The following G6PC1 variants were observed in gnomAD, a reference collection of about 807,000 sequenced individuals.
G6PC1 encodes G-6-Pase.
A neutral mutation model predicts 30.4 loss-of-function variants in G6PC1; 23 were observed. The ratio of observed to expected loss-of-function variants is 0.76; its 90% CI spans 0.55 to 1.07. The LOEUF (loss-of-function observed/expected upper bound fraction) is 1.07, where lower values mean the gene tolerates loss of function less well. G6PC1 is among the 50% of genes least tolerant of loss of function. The pLI, the probability that G6PC1 is intolerant of heterozygous loss-of-function variation, is 0.00. For missense variants in G6PC1, 391 were observed against 433.9 expected, an observed-to-expected ratio of 0.90 and a Z score of 0.88; for synonymous variants, 163 against 175.6, an observed-to-expected ratio of 0.93 and a Z score of 0.57.
At position 42,912,800 on chromosome 17, in the gene G6PC1, C is replaced by CA. The variant is rs2056104509; in HGVS notation, c.*1374_*1375insA. 1 of 151,112 alleles carries CA rather than the reference C, an allele frequency of 6.6e-6. No individual in the cohort carries two copies. 9.4% of individuals were successfully genotyped at this position (151,112 alleles called of 1,614,324 possible). A position where few individuals can be genotyped will look rare whatever the true frequency, so the allele number is the denominator to read the frequency against. ...AGCCAACTCCTCCTTGCCTGCTTTT[C>CA]TTTTTTTTTCTTTTTTTGAGACGGC... On this transcript the variant is annotated 3_prime_UTR_variant, in exon 5 of 5. Transcript: ENST00000253801.
At chr17:42,908,511 A>G (rs1301750664) in intron 3 of G6PC1, among the ~76,000 whole-genome samples, 3 of 149,800 alleles carry the variant, frequency 2.0e-5, no homozygotes, top group African/African-American at 7.4e-5. Context: ...GGTTCAAGCT[A>G]TTCTTCTGCC....
intron 3 of G6PC1, among the ~76,000 whole-genome samples, chr17:42,908,517 C>T (rs1442383180): frequency 6.6e-6 from 1 of 150,818 alleles, no homozygotes; most frequent in Non-Finnish European, 1.5e-5. Context: ...AGCTATTCTT[C>T]TGCCTCAGCC....
Position 42,900,935 on chromosome 17 carries a change from A to C in G6PC1, c.59A>C (p.Gln20Pro). The change falls in exon 1 of 5, where the codon CAG becomes CCG. Residue 20 changes from glutamine to proline, a missense_variant. By Grantham distance (76) the Gln-to-Pro change is moderately conservative. Transcript: ENST00000253801. Reference sequence around the variant, plus strand: ...GGGATCCAGTCAACACATTACCTCCAGGTGAATTACCAAGACTCCCAGGAC... The same window carrying C: ...GGGATCCAGTCAACACATTACCTCCCGGTGAATTACCAAGACTCCCAGGAC... The part of the protein sequence containing the change: ...DFGIQSTHYL[Q>P]VNYQDSQDWF... 6.2e-7 allele frequency: 1 copy of C among 1,614,166 alleles called. No individual in the cohort carries two copies. The highest frequency in any genetic ancestry group is 1.3e-5 in the African/African-American group (1 of 75,034).
rs907720455 is a variant in G6PC1 at position 42,913,928 on chromosome 17, G to T, written c.*2502G>T. ...CCTCCAAAGGCCTCAAATCATCACC[G>T]TATCAATGGATTTCCTGAGGGTAAG... On this transcript the variant is annotated 3_prime_UTR_variant, in exon 5 of 5. Transcript: ENST00000253801. 6.6e-6 allele frequency among the ~76,000 whole-genome samples: 1 copy of T among 152,026 alleles called. No homozygotes were observed. The highest frequency in any genetic ancestry group is 1.5e-5 in the Non-Finnish European group (1 of 67,994).
Position 42,903,962 on chromosome 17 carries a change from GT to G in G6PC1, c.266del (p.Leu89TrpfsTer13). The G allele has an allele frequency of 1.2e-6, 2 of 1,613,922 alleles. No homozygotes were observed. The highest frequency in any genetic ancestry group is 1.7e-6 in the Non-Finnish European group (2 of 1,179,820). On this transcript the variant is annotated frameshift_variant, in exon 2 of 5. Transcript: ENST00000253801. LOFTEE classifies it high-confidence loss of function. Reference sequence around the variant, plus strand: ...CTTTGGACAGCGTCCATACTGGTGGGTTTTGGATACTGACTACTACAGCAAC... The same window carrying G: ...CTTTGGACAGCGTCCATACTGGTGGGTTTGGATACTGACTACTACAGCAAC... ...ILFGQRPYWWVLDTDYYSNTS... is the reference protein window; with the variant it reads ...ILFGQRPYWWXLDTDYYSNTS...
At chr17:42,903,525 G>A (rs2056040082) in intron 1 of G6PC1, among the ~76,000 whole-genome samples, 2 of 151,274 alleles carry the variant, frequency 1.3e-5, no homozygotes, top group African/African-American at 2.4e-5. Context: ...ACCAGCCTGG[G>A]CAACATGGTG....
rs767174294 is a variant in G6PC1, at chr17:42,911,177, C to A, written c.825C>A (p.Leu275=). The change falls in exon 5 of 5, where the codon CTC becomes CTA. Residue 275 remains leucine (L), a synonymous_variant. Transcript: ENST00000253801. ...CGCTCTTTGGCCTGGGGCTGGCTCT[C>A]AACTCCAGCATGTACAGGGAGAGCT... The part of the protein sequence containing the change: ...LGTLFGLGLA[L]NSSMYRESCK... 2 of 1,614,182 alleles carry A rather than the reference C, an allele frequency of 1.2e-6. No homozygotes were observed. Among genetic ancestry groups the A allele is most frequent in the Non-Finnish European group, 1.7e-6 (2 of 1,180,036 alleles).
At chr17:42,906,767 C>T (rs2056064491) in intron 2 of G6PC1, among the ~76,000 whole-genome samples, 1 of 152,102 alleles carries the variant, frequency 6.6e-6, no homozygotes, top group Non-Finnish European at 1.5e-5. Context: ...GTGGTCCCAG[C>T]TACTCAGGGG....
Position 42,900,929 on chromosome 17 carries a change from A to G in G6PC1, c.53A>G (p.Tyr18Cys). 1 of 1,614,078 alleles carries G rather than the reference A, an allele frequency of 6.2e-7. No individual in the cohort carries two copies. The highest frequency in any genetic ancestry group is 1.1e-5 in the South Asian group (1 of 91,070). Residue 18 changes from tyrosine (Y) to cysteine (C), a missense_variant, in exon 1 of 5, where the codon TAC becomes TGC. Transcript: ENST00000253801. ...GACTTTGGGATCCAGTCAACACATT[A>G]CCTCCAGGTGAATTACCAAGACTCC... ...LHDFGIQSTH[Y>C]LQVNYQDSQD...
intron 1 of G6PC1, 98 bp from the exon 2 acceptor site, chr17:42,903,833 T>C: frequency 1.2e-6 from 1 of 830,042 alleles, no homozygotes; most frequent in Non-Finnish European, 2.1e-6. Context: ...AGAGGCAACA[T>C]GTGAAATCCT....
chr17:42,904,985 G>A (rs2056049594), intron 2 of G6PC1, among the ~76,000 whole-genome samples: 1 of 151,854 alleles, frequency 6.6e-6, no homozygotes, highest in African/African-American at 2.4e-5. Flanking sequence ...GATGGCACAC[G>A]CCTGTAGTCT....
At chr17:42,905,918 C>T (rs528810227) in intron 2 of G6PC1, among the ~76,000 whole-genome samples, 39 of 151,810 alleles carry the variant, frequency 2.6e-4, no homozygotes, top group African/African-American at 9.2e-4. Flanking sequence ...TGGTGGCGGG[C>T]GCCTGTAATC....
intron 1 of G6PC1, among the ~76,000 whole-genome samples, chr17:42,901,788 T>G (rs976642511): frequency 9.2e-5 from 14 of 151,964 alleles, no homozygotes; most frequent in African/African-American, 3.4e-4. Flanking sequence ...TGTGGGGTAA[T>G]GAAAAGTCAC....
Position 42,911,810 on chromosome 17 carries a change from G to A in G6PC1, c.*384G>A. On this transcript the variant is annotated 3_prime_UTR_variant, in exon 5 of 5. Transcript: ENST00000253801. Reference sequence around the variant, plus strand: ...GCCAGAGGTGCTGTCAGCTCAGGTGGTCCTCTTTTACAATCCTAATCATAT... The same window carrying A: ...GCCAGAGGTGCTGTCAGCTCAGGTGATCCTCTTTTACAATCCTAATCATAT... The A allele has an allele frequency of 3.1e-6, 1 of 319,102 alleles. No homozygotes were observed. Among genetic ancestry groups the A allele is most frequent in the Non-Finnish European group, 6.0e-6 (1 of 167,346 alleles). 19.8% of individuals were successfully genotyped at this position (319,102 alleles called of 1,614,324 possible). A position where few individuals can be genotyped will look rare whatever the true frequency, so the allele number is the denominator to read the frequency against.
In G6PC1 at chr17:42,911,833, T is replaced by A. The variant is rs950075458; in HGVS notation, c.*407T>A. ...TGGTCCTCTTTTACAATCCTAATCA[T>A]ATTGGGTAATGTTTTTGAAAAGCTA... is the stretch of plus-strand genomic sequence containing the variant. On this transcript the variant is annotated 3_prime_UTR_variant, in exon 5 of 5. Coordinates refer to ENST00000253801, the MANE Select transcript of G6PC1 (RefSeq NM_000151.4). 1 of 252,792 alleles carries A rather than the reference T, an allele frequency of 4.0e-6. No individual in the cohort carries two copies. Among genetic ancestry groups the A allele is most frequent in the East Asian group, 1.0e-4 (1 of 9,852 alleles). The allele number at this position is 252,792 out of a possible 1,614,324, so 15.7% of individuals were successfully genotyped here. A position where few individuals can be genotyped will look rare whatever the true frequency, so the allele number is the denominator to read the frequency against.
Position 42,901,067 on chromosome 17 carries a change from T to C in G6PC1, c.191T>C (p.Val64Ala). ...QEAVGIKLLWVAVIGDWLNLV... is the reference protein window; with the variant it reads ...QEAVGIKLLWAAVIGDWLNLV... ...GCTGTGGGCATTAAACTCCTTTGGG[T>C]AGCTGTGATTGGAGACTGGCTCAAC... The change falls in exon 1 of 5, where the codon GTA becomes GCA. Residue 64 changes from valine (V) to alanine (A), a missense_variant. Transcript: ENST00000253801. 5 of 1,614,132 alleles carry C rather than the reference T, an allele frequency of 3.1e-6. No individual in the cohort carries two copies. Among genetic ancestry groups the C allele is most frequent in the Non-Finnish European group, 4.2e-6 (5 of 1,180,004 alleles).
chr17:42,902,624 C>T (rs1050074190), intron 1 of G6PC1, among the ~76,000 whole-genome samples: 1 of 152,296 alleles, frequency 6.6e-6, no homozygotes, highest in Admixed American at 6.5e-5. Context: ...TGCAATCTCT[C>T]TGGGTTGATA....
intron 4 of G6PC1, 56 bp downstream of exon 4, chr17:42,909,474 C>T (rs1223285831): frequency 1.6e-6 from 2 of 1,280,342 alleles, no homozygotes; most frequent in Non-Finnish European, 2.3e-6. Context: ...CGTTTCTCTC[C>T]CTAATCAGGA....
rs149904153 is a variant in G6PC1, at chr17:42,914,383, T to C, written c.*2957T>C. Among the ~76,000 whole-genome samples, 134 of 152,336 alleles carry C rather than the reference T, an allele frequency of 8.8e-4. 1 individual carries two copies. Among genetic ancestry groups the C allele is most frequent in the African/African-American group, 3.1e-3 (129 of 41,592 alleles). ...TACTGCCCCCACTCCCTGAAGTTTA[T>C]GAGGTTGATAAGAAAACATAACAGA... On this transcript the variant is annotated 3_prime_UTR_variant, in exon 5 of 5. Transcript: ENST00000253801.
Sources: gnomAD v4.1 joint callset for allele counts (sites outside exome capture counted in the v4.1 genomes callset) on GRCh38, gnomAD v4.1.1 for gene constraint, MANE v1.5 for transcripts, NCBI Gene and HGNC (gene_info 2026-07-23, HGNC 2026-07-21) for gene names.